ODAD3: variants seen among roughly 807,000 people sequenced by gnomAD.
ODAD3 encodes outer dynein arm docking complex subunit 3, also known as outer dynein arm-docking complex subunit 3.
A neutral mutation model predicts 70.9 loss-of-function variants in ODAD3; 57 were observed. The observed-to-expected ratio is 0.80, with a 90% CI of 0.65 to 1.00. The LOEUF (loss-of-function observed/expected upper bound fraction) is 1.00. Among genes scored for constraint, ODAD3 ranks in the 50% least tolerant of loss-of-function variants. The pLI is 0.00. For missense variants in ODAD3, 797 were observed against 763.9 expected (o/e 1.04, Z -0.51); for synonymous variants, 327 against 315.9 (o/e 1.04, Z -0.37).
intron 10 of ODAD3, 72 bp from the exon 11 acceptor site, chr19:11,421,904 CTT>C (rs1969144861): frequency 5.3e-6 from 8 of 1,517,302 alleles, no homozygotes; most frequent in Non-Finnish European, 7.1e-6. Context: ...AGGGGCGGGG[CTT>C]TTCTTTCGGG....
intron 7 of ODAD3, among the ~76,000 whole-genome samples, chr19:11,425,038 C>CATATGTGTAT (rs1400812016): frequency 2.3e-5 from 2 of 85,850 alleles, no homozygotes; most frequent in South Asian, 3.9e-4. Flanking sequence ...TGCATATATA[C>CATATGTGTAT]ATATGTGTAT....
chr19:11,423,859 G>A lies in ODAD3; in HGVS notation c.1116+18C>T, dbSNP rs370516513. On this transcript the variant is annotated intron_variant, in intron 8 of 12. Transcript: ENST00000356392. ...GTGGGGGGGGGGCGCGGCGGAGAGG[G>A]CTGCGGGCAGAACTCACGTGCGTCT... 6 of 1,595,592 alleles carry A rather than the reference G, an allele frequency of 3.8e-6. No individual in the cohort carries two copies. In the African/African-American group the frequency reaches 8.0e-5, roughly 21 times the overall value.
chr19:11,435,555 C>T (rs189569307), upstream of ODAD3: 2 of 659,396 alleles, frequency 3.0e-6, no homozygotes, highest in East Asian at 6.5e-5. Flanking sequence ...TCCTGCCTCT[C>T]CCAACATGGC....
rs1385451733 is a variant in ODAD3, at chr19:11,426,548, G to A, written c.738C>T (p.Asn246=). The change falls in exon 6 of 13, where the codon AAC becomes AAT. Residue 246 remains asparagine, a synonymous_variant. Coordinates refer to ENST00000356392, the MANE Select transcript of ODAD3 (RefSeq NM_145045.5). ...YLMDESLNLE[N]RLDSMEAEVV... ...CCTCAGCCTCCATGGAGTCCAGCCGGTTCTCCAAGTTGAGGCTCTCGTCCT... is the reference window on the plus strand; with the variant it reads ...CCTCAGCCTCCATGGAGTCCAGCCGATTCTCCAAGTTGAGGCTCTCGTCCT... 1.2e-6 allele frequency: 2 copies of A among 1,614,066 alleles called. No homozygotes were observed. Among genetic ancestry groups the A allele is most frequent in the Admixed American group, 3.3e-5 (2 of 59,998 alleles).
At chr19:11,425,756 G>C (rs1470203500) in intron 7 of ODAD3, among the ~76,000 whole-genome samples, 1 of 149,672 alleles carries the variant, frequency 6.7e-6, no homozygotes, top group African/African-American at 2.4e-5. Flanking sequence ...AGGGCTGGAT[G>C]GGAGGCAGCC....
In ODAD3 at chr19:11,426,286, G is replaced by A. The variant is rs377328162; in HGVS notation, c.841-20C>T. On this transcript the variant is annotated intron_variant, in intron 6 of 12. Coordinates refer to ENST00000356392, the MANE Select transcript of ODAD3 (RefSeq NM_145045.5). ...CTGGTTCTGGAGGGCGGGCAGGGTA[G>A]CAGGGAGACCAGCTGGCACCTACCA... The A allele has an allele frequency of 5.1e-5, 83 of 1,613,222 alleles. No homozygotes were observed. Among genetic ancestry groups the A allele is most frequent in the Non-Finnish European group, 7.0e-5 (82 of 1,179,762 alleles).
At chr19:11,433,180 G>C (rs1160899497) in intron 1 of ODAD3, among the ~76,000 whole-genome samples, 2 of 152,140 alleles carry the variant, frequency 1.3e-5, no homozygotes, top group African/African-American at 2.4e-5. Flanking sequence ...CAACAACTGG[G>C]CCGAATAATT....
At chr19:11,424,939 A>ATATATGTG (rs1175924642) in intron 7 of ODAD3, among the ~76,000 whole-genome samples, 3 of 120,858 alleles carry the variant, frequency 2.5e-5, no homozygotes, top group Non-Finnish European at 4.9e-5. Context: ...GTATATATGT[A>ATATATGTG]TATATGTGTA....
chr19:11,432,635 TTTA>T (rs1361420173), intron 1 of ODAD3, among the ~76,000 whole-genome samples: 1 of 152,116 alleles, frequency 6.6e-6, no homozygotes, highest in African/African-American at 2.4e-5. Flanking sequence ...ACTGTGAGCA[TTTA>T]TTATGTGTTG....
rs775489013 is a variant in ODAD3, at chr19:11,421,645, C to T, written c.1590+32G>A. 7 of 1,598,526 alleles carry T rather than the reference C, an allele frequency of 4.4e-6. No homozygotes were observed. The South Asian group carries it at 7.8e-5, about 18-fold the overall frequency. On this transcript the variant is annotated intron_variant, in intron 11 of 12. Transcript: ENST00000356392. ...TTCCGACCCAGCCCTACTCCTAGAT[C>T]TCTGGAGCTCTGCCCCATGGCTGCA...
chr19:11,435,224 G>C, upstream of ODAD3: 1 of 1,408,236 alleles, frequency 7.1e-7, no homozygotes, highest in Non-Finnish European at 9.3e-7. Flanking sequence ...CGCGTTCCGT[G>C]GCTGACACTG....
chr19:11,421,138 G>C lies in ODAD3; in HGVS notation c.1665C>G (p.Asp555Glu), dbSNP rs777210460. Residue 555 changes from aspartate to glutamate, a missense_variant, in exon 12 of 13, where the codon GAC (aspartate) becomes GAG (glutamate). Asp to Glu is a conservative substitution (Grantham distance 45). Coordinates refer to ENST00000356392, the MANE Select transcript of ODAD3 (RefSeq NM_145045.5). ...CCCACCCATACTGACCAAAAAACTT[G>C]TCCTTGGAAGTGGCAAGGGGCAGGG... The part of the protein sequence containing the change: ...RIALPLATSK[D>E]KFFDEESEEE... The C allele has an allele frequency of 6.2e-7, 1 of 1,613,202 alleles. No individual in the cohort carries two copies. The highest frequency in any genetic ancestry group is 1.7e-5 in the Admixed American group (1 of 59,924).
chr19:11,430,413 C>G (rs900308091), intron 3 of ODAD3: 3 of 442,084 alleles, frequency 6.8e-6, no homozygotes, highest in East Asian at 8.2e-5. Context: ...GCTGTGATTA[C>G]AGACGTGGGC....
Position 11,431,038 on chromosome 19 carries a change from T to TGGA in ODAD3, c.245-21_245-19dup. On this transcript the variant is annotated intron_variant, in intron 1 of 12. Transcript: ENST00000356392. Reference sequence around the variant, plus strand: ...GTCACCCTCTGGCAGGCAGGTGAGGTGGACAGACACACAGTTACTGGGTGG... The same window carrying TGGA: ...GTCACCCTCTGGCAGGCAGGTGAGGTGGAGGACAGACACACAGTTACTGGGTGG... 1.9e-6 allele frequency: 3 copies of TGGA among 1,613,710 alleles called. No homozygotes were observed. Among genetic ancestry groups the TGGA allele is most frequent in the Non-Finnish European group, 2.5e-6 (3 of 1,179,956 alleles).
At chr19:11,423,840 G>GT in intron 8 of ODAD3, 37 bp downstream of exon 8, 3 of 1,309,810 alleles carry the variant, frequency 2.3e-6, no homozygotes, top group East Asian at 2.8e-5. Context: ...TGGGGTGGGG[G>GT]GGGGGCGCGG....
At chr19:11,430,043 C>T (rs1043965348) in intron 3 of ODAD3, among the ~76,000 whole-genome samples, 1 of 152,118 alleles carries the variant, frequency 6.6e-6, no homozygotes, top group African/African-American at 2.4e-5. Flanking sequence ...CTCTGTCTCC[C>T]AGGCTGGAGC....
At chr19:11,423,827 G>C in intron 8 of ODAD3, 50 bp downstream of exon 8, 1 of 1,457,824 alleles carries the variant, frequency 6.9e-7, no homozygotes, top group Non-Finnish European at 9.2e-7. Flanking sequence ...CCTGGGGCCC[G>C]TCTGGGGTGG....
chr19:11,423,351 G>A (rs1341734550), intron 8 of ODAD3, among the ~76,000 whole-genome samples: 1 of 152,188 alleles, frequency 6.6e-6, no homozygotes, highest in Non-Finnish European at 1.5e-5. Context: ...GCAGGTTGGC[G>A]GACACCCAGA....
In ODAD3 at chr19:11,421,671, G is replaced by C. The variant is rs1234702824; in HGVS notation, c.1590+6C>G. ...TCTGGAGCTCTGCCCCATGGCTGCA[G>C]GGCACCTCGCGGTTAGCGATGTGGC... On this transcript the variant is annotated splice_donor_region_variant and intron_variant, in intron 11 of 12. Transcript: ENST00000356392. 1 of 1,610,550 alleles carries C rather than the reference G, an allele frequency of 6.2e-7. No individual in the cohort carries two copies. The highest frequency in any genetic ancestry group is 1.7e-5 in the Admixed American group (1 of 59,832).
Sources: allele counts gnomAD v4.1 joint callset (sites outside exome capture counted in the v4.1 genomes callset), GRCh38; gene constraint gnomAD v4.1.1; transcripts MANE v1.5; gene names NCBI Gene and HGNC (gene_info 2026-07-23, HGNC 2026-07-21).